Variants in ACSL1 observed in about 807,000 individuals in gnomAD.
ACSL1 encodes the protein acyl-CoA synthetase long chain family member 1, also known as long-chain-fatty-acid--CoA ligase 1.
Under a neutral mutation model 98.4 loss-of-function variants are expected in ACSL1, and 41 were observed. The observed-to-expected ratio is 0.42, with a 90% CI of 0.32 to 0.54. The LOEUF (loss-of-function observed/expected upper bound fraction) is 0.54. ACSL1 is among the 20% of genes least tolerant of loss of function. ACSL1 has a pLI of 0.13. For missense variants in ACSL1, 734 were observed against 883.1 expected (o/e 0.83, Z 2.14); for synonymous variants, 316 against 322.7 (o/e 0.98, Z 0.22).
At chr4:184,813,923 G>A (rs1293175796) in intron 1 of ACSL1, 1 of 454,248 alleles carries the variant, frequency 2.2e-6, no homozygotes, top group East Asian at 7.0e-5. Context: ...CTAGATCCTG[G>A]GGTCCTCTCA....
chr4:184,780,216 G>A (rs145136065), intron 5 of ACSL1, 116 bp downstream of exon 5: 146 of 902,620 alleles, frequency 1.6e-4, no homozygotes, highest in African/African-American at 1.4e-3. Context: ...AAGGTGTAAC[G>A]TAAAGCTATA....
At chr4:184,780,281 A>G (rs1766021999) in intron 5 of ACSL1, 51 bp downstream of exon 5, 1 of 1,473,602 alleles carries the variant, frequency 6.8e-7, no homozygotes. Flanking sequence ...TTAGGCTCTT[A>G]TATCTGAGAA....
In ACSL1 at chr4:184,773,954, A is replaced by T; in HGVS notation, c.757-79T>A. 1 of 1,544,630 alleles carries T rather than the reference A, an allele frequency of 6.5e-7. No individual in the cohort carries two copies. The highest frequency in any genetic ancestry group is 8.9e-7 in the Non-Finnish European group (1 of 1,124,220). ...GATAAGGTCACATCGAGTCACTTAA[A>T]GCTGGCTTTACTGTGGGGTTCATTC... On this transcript the variant is annotated intron_variant, in intron 7 of 20. Coordinates refer to ENST00000281455, the MANE Select transcript of ACSL1 (RefSeq NM_001995.5). This position sits in a 1 kb window ranked among gnomAD's most constrained non-coding sequence, Gnocchi z 4.3.
chr4:184,762,390 A>T lies in ACSL1; in HGVS notation c.1638+17T>A. ...GTGGAACTGAACTGTTTGTGACCTG[A>T]GGAGGCGGCAACTTACTGGTAACCA... On this transcript the variant is annotated intron_variant, in intron 17 of 20. Coordinates refer to ENST00000281455, the MANE Select transcript of ACSL1 (RefSeq NM_001995.5). The T allele has an allele frequency of 6.3e-7, 1 of 1,589,682 alleles. No individual in the cohort carries two copies. Among genetic ancestry groups the T allele is most frequent in the Non-Finnish European group, 8.6e-7 (1 of 1,157,758 alleles).
intron 1 of ACSL1, among the ~76,000 whole-genome samples, chr4:184,805,226 T>C (rs1771227876): frequency 1.3e-5 from 2 of 152,216 alleles, no homozygotes; most frequent in Admixed American, 6.5e-5. Flanking sequence ...GCATCTCTTT[T>C]TCTTTGTTAA....
intron 12 of ACSL1, among the ~76,000 whole-genome samples, chr4:184,767,322 G>A (rs1011384467): frequency 4.6e-5 from 7 of 151,394 alleles, no homozygotes; most frequent in Admixed American, 1.3e-4. Context: ...AATAAAATGC[G>A]TTATACCCAT....
chr4:184,773,825 C>A lies in ACSL1; in HGVS notation c.789+18G>T. 1 of 1,613,878 alleles carries A rather than the reference C, an allele frequency of 6.2e-7. No individual in the cohort carries two copies. Among genetic ancestry groups the A allele is most frequent in the Non-Finnish European group, 8.5e-7 (1 of 1,179,854 alleles). On this transcript the variant is annotated intron_variant, in intron 8 of 20. Transcript: ENST00000281455. The surrounding 1 kb of genome is among the most constrained non-coding windows in gnomAD (Gnocchi z 4.3). Reference sequence around the variant, plus strand: ...AACTACAAAGAGGACAGAGCAGGGTCTGACACGGTGTGCTTACCTTGGGCT... The same window carrying A: ...AACTACAAAGAGGACAGAGCAGGGTATGACACGGTGTGCTTACCTTGGGCT...
intron 3 of ACSL1, 63 bp downstream of exon 3, chr4:184,788,554 A>C: frequency 7.7e-7 from 1 of 1,305,100 alleles, no homozygotes; most frequent in Non-Finnish European, 1.1e-6. Flanking sequence ...CATTTCTGAA[A>C]GGCCACTCGT....
At chr4:184,771,275 A>G (rs1333807564) in intron 10 of ACSL1, among the ~76,000 whole-genome samples, 2 of 152,228 alleles carry the variant, frequency 1.3e-5, no homozygotes, top group Non-Finnish European at 2.9e-5. Flanking sequence ...TTAGTATTTC[A>G]TCACTACAGT....
intron 2 of ACSL1, among the ~76,000 whole-genome samples, chr4:184,800,838 T>G (rs1770377116): frequency 6.6e-6 from 1 of 152,176 alleles, no homozygotes; most frequent in Non-Finnish European, 1.5e-5. Context: ...AGTGTTAACC[T>G]CCTCTTTACA....
At position 184,757,208 on chromosome 4, in the gene ACSL1, G is replaced by C; in HGVS notation, c.2014C>G (p.Pro672Ala). The change falls in exon 21 of 21, where the codon CCA (proline) becomes GCA (alanine). Residue 672 changes from proline (P) to alanine (A), a missense_variant. Coordinates refer to ENST00000281455, the MANE Select transcript of ACSL1 (RefSeq NM_001995.5). This position sits in a 1 kb window ranked among gnomAD's most constrained non-coding sequence, Gnocchi z 4.5. ...LFSIDNGLLT[P>A]TMKAKRPELR... is the part of the protein sequence containing the mutation. ...TCTGGCCTTTTCGCCTTCATTGTTG[G>C]AGTCAGAAGGCCATTGTCGATAGAA... 1.9e-6 allele frequency: 3 copies of C among 1,609,958 alleles called. No individual in the cohort carries two copies. Among genetic ancestry groups the C allele is most frequent in the Non-Finnish European group, 2.5e-6 (3 of 1,176,530 alleles).
At position 184,766,201 on chromosome 4, in the gene ACSL1, A is replaced by G. The variant is rs75219757; in HGVS notation, c.1264-215T>C. On this transcript the variant is annotated intron_variant, in intron 13 of 20. Coordinates refer to ENST00000281455, the MANE Select transcript of ACSL1 (RefSeq NM_001995.5). This position sits in a 1 kb window ranked among gnomAD's most constrained non-coding sequence, Gnocchi z 4.8. ...CCTGTTCCCTCCCAATGGGGATGGAAGTCAGCCCCACCTCTGCAGAAGCTA... is the reference window on the plus strand; with the variant it reads ...CCTGTTCCCTCCCAATGGGGATGGAGGTCAGCCCCACCTCTGCAGAAGCTA... 0.034 allele frequency among the ~76,000 whole-genome samples: 5,131 copies of G among 152,274 alleles called. 306 individuals are homozygous for G. Among genetic ancestry groups the G allele is most frequent in the African/African-American group, 0.12 (4,860 of 41,540 alleles).
At chr4:184,787,337 C>T (rs893833091) in intron 3 of ACSL1, among the ~76,000 whole-genome samples, 3 of 152,138 alleles carry the variant, frequency 2.0e-5, no homozygotes, top group Non-Finnish European at 4.4e-5. Flanking sequence ...TCAAGGAGCT[C>T]GGGCTAGGGG....
intron 1 of ACSL1, among the ~76,000 whole-genome samples, chr4:184,807,812 C>A (rs557528684): frequency 7.9e-5 from 12 of 152,354 alleles, no homozygotes; most frequent in Admixed American, 7.8e-4. Flanking sequence ...GACTTATAAG[C>A]CTTCCCCAGG....
At chr4:184,788,828 C>A in intron 2 of ACSL1, 97 bp from the exon 3 acceptor site, 5 of 872,236 alleles carry the variant, frequency 5.7e-6, no homozygotes, top group South Asian at 4.5e-5. Flanking sequence ...CATTCCTTTA[C>A]ATTCTTGTCA....
intron 1 of ACSL1, among the ~76,000 whole-genome samples, chr4:184,821,879 T>C (rs1012489176): frequency 7.2e-5 from 11 of 152,242 alleles, no homozygotes; most frequent in African/African-American, 2.7e-4. Context: ...AATTTGTTTA[T>C]TGTATAGGGA....
chr4:184,774,026 G>A (rs2150322247), intron 7 of ACSL1, 151 bp from the exon 8 acceptor site: 4 of 868,330 alleles, frequency 4.6e-6, no homozygotes, highest in Non-Finnish European at 3.6e-6. Context: ...AGAAACTATG[G>A]CAGTTTTAAT....
intron 17 of ACSL1, 70 bp from the exon 18 acceptor site, chr4:184,760,570 C>T: frequency 6.3e-7 from 1 of 1,582,786 alleles, no homozygotes. Context: ...GATCCCAGTA[C>T]AACACTGAAA....
intron 1 of ACSL1, among the ~76,000 whole-genome samples, chr4:184,823,492 G>A (rs1474189303): frequency 6.6e-6 from 1 of 152,140 alleles, no homozygotes; most frequent in East Asian, 1.9e-4. Flanking sequence ...TAAATATCTA[G>A]AAATTACTAC....
Sources: allele counts gnomAD v4.1 joint callset (sites outside exome capture counted in the v4.1 genomes callset), GRCh38; gene constraint gnomAD v4.1.1; non-coding constraint Gnocchi (gnomAD v3.1); transcripts MANE v1.5; gene names NCBI Gene and HGNC (gene_info 2026-07-23, HGNC 2026-07-21).